MALRD1: variants seen among roughly 807,000 people sequenced by gnomAD.
The protein encoded by MALRD1 is MAM and LDL-receptor class A domain-containing protein 1.
In MALRD1, 247 loss-of-function variants were observed where a neutral mutation model predicts 242.1. That is an observed-to-expected ratio of 1.02 (90% CI 0.92 to 1.13). The LOEUF (loss-of-function observed/expected upper bound fraction) is 1.13, where lower values mean the gene tolerates loss of function less well. Ranked by LOEUF, MALRD1 falls within the 50% of genes most tolerant of loss-of-function variation. The probability of loss-of-function intolerance (pLI) is 0.00; values close to 1 mark genes in which losing one functional copy is unlikely to be tolerated. For missense variants in MALRD1, 2,989 were observed against 2,533.1 expected (o/e 1.18, Z -3.86); for synonymous variants, 995 against 866.6 (o/e 1.15, Z -2.60).
intron 28 of MALRD1, among the ~76,000 whole-genome samples, chr10:19,394,447 G>T (rs992880864): frequency 2.0e-5 from 3 of 152,086 alleles, no homozygotes; most frequent in African/African-American, 7.2e-5. Context: ...TAAATATTTT[G>T]TTCAAGAGGC....
intron 28 of MALRD1, among the ~76,000 whole-genome samples, chr10:19,396,833 G>T (rs1846605420): frequency 6.6e-6 from 1 of 152,028 alleles, no homozygotes; most frequent in East Asian, 1.9e-4. Context: ...CAGCAGTTTT[G>T]TTTTTCTAAC....
At chr10:19,239,010 A>G (rs1169933754) in intron 18 of MALRD1, among the ~76,000 whole-genome samples, 1 of 149,736 alleles carries the variant, frequency 6.7e-6, no homozygotes, top group Non-Finnish European at 1.5e-5. Flanking sequence ...ATTCGTCTTG[A>G]CCATTTCTAT....
intron 28 of MALRD1, among the ~76,000 whole-genome samples, chr10:19,392,083 C>T (rs1275166914): frequency 6.6e-6 from 1 of 152,110 alleles, no homozygotes; most frequent in Non-Finnish European, 1.5e-5. Flanking sequence ...TAATTGGTAG[C>T]CTCATTTATA....
Position 19,567,610 on chromosome 10 carries a change from T to C in MALRD1, c.5587T>C (p.Phe1863Leu). ...GSVPLSSNSP[F>L]KVAFEADLDG... ...TGTGCCTCTCTCCAGTAACAGTCCG[T>C]TTAAGGTGGCATTTGAAGCTGATTT... The change falls in exon 33 of 40, where the codon TTT (phenylalanine) becomes CTT (leucine). Residue 1863 changes from phenylalanine (F) to leucine (L), a missense_variant. By Grantham distance (22) the Phe-to-Leu change is conservative. Coordinates refer to ENST00000454679, the MANE Select transcript of MALRD1 (RefSeq NM_001142308.3). The C allele has an allele frequency of 6.4e-7, 1 of 1,550,642 alleles. No homozygotes were observed. Among genetic ancestry groups the C allele is most frequent in the Non-Finnish European group, 8.7e-7 (1 of 1,146,954 alleles).
chr10:19,097,948 G>A (rs1370937591), intron 4 of MALRD1, among the ~76,000 whole-genome samples: 2 of 152,052 alleles, frequency 1.3e-5, no homozygotes, highest in African/African-American at 2.4e-5. Context: ...TAGGGTGGAC[G>A]CGTTCCTCCT....
Position 19,331,478 on chromosome 10 carries a change from A to G in MALRD1, c.3797A>G (p.Asp1266Gly). The G allele has an allele frequency of 6.5e-7, 1 of 1,550,100 alleles. No homozygotes were observed. Among genetic ancestry groups the G allele is most frequent in the East Asian group, 2.4e-5 (1 of 40,852 alleles). The change falls in exon 24 of 40, where the codon GAT becomes GGT. Residue 1266 changes from aspartate to glycine, a missense_variant. By Grantham distance (94) the Asp-to-Gly change is moderately conservative (BLOSUM62 -1). Transcript: ENST00000454679. ...CTTAGCCCAGAGAGAAAGTGTACTGATCATGAATTCATGTGTGCTAATAAG... is the reference window on the plus strand; with the variant it reads ...CTTAGCCCAGAGAGAAAGTGTACTGGTCATGAATTCATGTGTGCTAATAAG... The part of the protein sequence containing the change: ...PLLSPERKCT[D>G]HEFMCANKHC...
intron 38 of MALRD1, among the ~76,000 whole-genome samples, chr10:19,704,233 G>T: frequency 6.6e-6 from 1 of 152,152 alleles, no homozygotes; most frequent in Non-Finnish European, 1.5e-5. Context: ...TCGTAAGTCA[G>T]TTTGGGCTAT....
intron 21 of MALRD1, among the ~76,000 whole-genome samples, chr10:19,287,433 G>C (rs1014894879): frequency 6.6e-6 from 1 of 151,884 alleles, no homozygotes; most frequent in African/African-American, 2.4e-5. Context: ...ACACAGTTCT[G>C]TTTAAGTTAT....
intron 31 of MALRD1, among the ~76,000 whole-genome samples, chr10:19,527,793 A>C (rs1834171114): frequency 6.6e-6 from 1 of 152,154 alleles, no homozygotes; most frequent in Admixed American, 6.6e-5. Flanking sequence ...AGCTCATTGG[A>C]TTATACCATA....
At chr10:19,286,347 TG>T (rs1368102594) in intron 21 of MALRD1, among the ~76,000 whole-genome samples, 6 of 148,802 alleles carry the variant, frequency 4.0e-5, no homozygotes. Context: ...TCAAAGGGAA[TG>T]CTTCCAGTTT....
At chr10:19,391,967 C>T (rs1181278481) in intron 28 of MALRD1, among the ~76,000 whole-genome samples, 1 of 152,180 alleles carries the variant, frequency 6.6e-6, no homozygotes, top group Non-Finnish European at 1.5e-5. Flanking sequence ...GGCCATTGTG[C>T]ATTACATGCA....
intron 26 of MALRD1, among the ~76,000 whole-genome samples, chr10:19,366,851 T>G (rs1046225406): frequency 1.1e-4 from 16 of 152,096 alleles, no homozygotes; most frequent in Admixed American, 9.8e-4. Context: ...ATAATCTCAC[T>G]GGCAAATTTC....
chr10:19,312,400 A>ATATATATATGTG (rs1491220851), intron 21 of MALRD1, among the ~76,000 whole-genome samples: 230 of 143,620 alleles, frequency 1.6e-3, no homozygotes, highest in South Asian at 4.8e-3. Flanking sequence ...ATATATATAT[A>ATATATATATGTG]TGTGTATATG....
intron 28 of MALRD1, among the ~76,000 whole-genome samples, chr10:19,410,139 G>A (rs1214937953): frequency 6.6e-6 from 1 of 152,104 alleles, no homozygotes; most frequent in Non-Finnish European, 1.5e-5. Flanking sequence ...GTCCATGACT[G>A]CTTATAGTTT....
chr10:19,490,517 C>G (rs951653587), intron 29 of MALRD1, among the ~76,000 whole-genome samples: 37 of 16,598 alleles, frequency 2.2e-3, no homozygotes, highest in Non-Finnish European at 3.9e-3. Flanking sequence ...GGGGGGGGGG[C>G]AGGGTTATGG....
intron 21 of MALRD1, among the ~76,000 whole-genome samples, chr10:19,309,334 T>G (rs1842337547): frequency 6.6e-6 from 1 of 151,526 alleles, no homozygotes; most frequent in African/African-American, 2.4e-5. Context: ...CTCTTTTATT[T>G]TCTCTGCTTA....
chr10:19,633,976 C>G (rs980468511), intron 36 of MALRD1, among the ~76,000 whole-genome samples: 2 of 151,580 alleles, frequency 1.3e-5, no homozygotes, highest in Admixed American at 6.6e-5. Flanking sequence ...GTAGCTGGGA[C>G]TACAGGGGGA....
At chr10:19,240,196 G>T (rs1008170564) in intron 18 of MALRD1, among the ~76,000 whole-genome samples, 17 of 151,934 alleles carry the variant, frequency 1.1e-4, no homozygotes, top group Admixed American at 4.6e-4. Context: ...TCATTGTAGA[G>T]ATCTTTCACG....
At chr10:19,728,923 C>G (rs7100283) in intron 38 of MALRD1, among the ~76,000 whole-genome samples, 18 of 151,940 alleles carry the variant, frequency 1.2e-4, no homozygotes, top group African/African-American at 3.4e-4. Context: ...ACACAACTTA[C>G]TCAAATTAAT....
Sources: gnomAD v4.1 joint callset for allele counts (sites outside exome capture counted in the v4.1 genomes callset) on GRCh38, gnomAD v4.1.1 for gene constraint, MANE v1.5 for transcripts, NCBI Gene and HGNC (gene_info 2026-07-23, HGNC 2026-07-21) for gene names.